ACYP2: variants seen among roughly 807,000 people sequenced by gnomAD.
ACYP2 encodes acylphosphatase 2.
ACYP2 carries 12 observed loss-of-function variants against 11.2 expected under a neutral mutation model. That is an observed-to-expected ratio of 1.08 (90% CI 0.69 to 1.74). The LOEUF (loss-of-function observed/expected upper bound fraction) is 1.74. ACYP2 is among the 40% of genes most tolerant of loss of function. The probability of loss-of-function intolerance (pLI) is 0.00; values close to 1 mark genes in which losing one functional copy is unlikely to be tolerated. For missense variants in ACYP2, 134 were observed against 101.9 expected (o/e 1.31, Z -1.35); for synonymous variants, 43 against 32.2 (o/e 1.33, Z -1.13).
chr2:54,154,697 G>A (rs1682353798), intron 6 of ACYP2, among the ~76,000 whole-genome samples: 1 of 152,036 alleles, frequency 6.6e-6, no homozygotes. Flanking sequence ...GAGGATTTTT[G>A]CATCTATGTT....
chr2:54,021,600 G>A (rs777901357), intron 2 of ACYP2, among the ~76,000 whole-genome samples: 6 of 152,102 alleles, frequency 3.9e-5, no homozygotes, highest in Non-Finnish European at 7.4e-5. Flanking sequence ...TTCTTAAAAG[G>A]CTCTGAAGCG....
intron 4 of ACYP2, among the ~76,000 whole-genome samples, chr2:54,111,676 T>C (rs1356604387): frequency 1.3e-5 from 2 of 152,254 alleles, no homozygotes; most frequent in African/African-American, 2.4e-5. Flanking sequence ...TAATTAAGCA[T>C]TTATTTTACC....
Position 54,233,635 on chromosome 2 carries a change from C to G in ACYP2, c.405-71053C>G, listed in dbSNP as rs1176755717. ...ACATTTTCTTATCCCTCCTGTAATC[C>G]CTGTCTCCAGCCCCTTCCCTCCTAC... On this transcript the variant is annotated intron_variant, in intron 6 of 6. Coordinates refer to ENST00000607452, the MANE Select transcript of ACYP2 (RefSeq NM_001320586.2). Among the ~76,000 whole-genome samples the G allele has an allele frequency of 5.3e-5, 8 of 152,136 alleles. No individual in the cohort carries two copies. The East Asian group carries it at 1.5e-3, about 29-fold the overall frequency.
chr2:54,012,250 A>T (rs1034335081), intron 2 of ACYP2, among the ~76,000 whole-genome samples: 6 of 152,020 alleles, frequency 3.9e-5, no homozygotes, highest in Non-Finnish European at 5.9e-5. Context: ...AAAAAAAAAA[A>T]ATACTCCCAG....
At chr2:54,237,339 A>G (rs1686529987) in intron 6 of ACYP2, among the ~76,000 whole-genome samples, 1 of 52,334 alleles carries the variant, frequency 1.9e-5, no homozygotes, top group Admixed American at 2.6e-4. Flanking sequence ...ATATTTGGTT[A>G]AAAATTTAGG....
At chr2:54,096,830 A>AGAGAGAGGGAGACCGTG (rs1553370466) in intron 4 of ACYP2, among the ~76,000 whole-genome samples, 6 of 151,442 alleles carry the variant, frequency 4.0e-5, no homozygotes, top group Non-Finnish European at 8.8e-5. Flanking sequence ...GTGGAAAGAG[A>AGAGAGAGGGAGACCGTG]GGGAGAGGGA....
intron 6 of ACYP2, among the ~76,000 whole-genome samples, chr2:54,298,462 A>G (rs1689603798): frequency 6.6e-6 from 1 of 152,210 alleles, no homozygotes; most frequent in African/African-American, 2.4e-5. Flanking sequence ...AAAACCCTTA[A>G]AAACACCCAC....
chr2:54,259,455 A>G (rs1409557842), intron 6 of ACYP2, among the ~76,000 whole-genome samples: 1 of 152,230 alleles, frequency 6.6e-6, no homozygotes, highest in Non-Finnish European at 1.5e-5. Flanking sequence ...AAAAACAGCA[A>G]GGAAGACTGA....
chr2:53,999,498 T>G (rs887206176), intron 2 of ACYP2, among the ~76,000 whole-genome samples: 3 of 152,112 alleles, frequency 2.0e-5, no homozygotes, highest in Non-Finnish European at 4.4e-5. Context: ...AAGGGAATTG[T>G]GGGAAGATTG....
chr2:54,265,957 C>T (rs943953295), intron 6 of ACYP2, among the ~76,000 whole-genome samples: 4 of 152,136 alleles, frequency 2.6e-5, no homozygotes, highest in East Asian at 1.9e-4. Context: ...CTTCTTTTCA[C>T]GTGCCCATTG....
At chr2:53,992,295 A>G (rs1025419195) in intron 2 of ACYP2, among the ~76,000 whole-genome samples, 5 of 152,042 alleles carry the variant, frequency 3.3e-5, no homozygotes, top group African/African-American at 9.7e-5. Flanking sequence ...TGAACCAAGC[A>G]CTTAAATTTA....
chr2:54,121,048 C>A (rs73935069), intron 4 of ACYP2, among the ~76,000 whole-genome samples: 1 of 152,128 alleles, frequency 6.6e-6, no homozygotes, highest in African/African-American at 2.4e-5. Flanking sequence ...TATAGCTCGG[C>A]GAGCATGAGC....
intron 4 of ACYP2, among the ~76,000 whole-genome samples, chr2:54,113,316 T>C (rs1679556875): frequency 1.3e-5 from 2 of 151,640 alleles, no homozygotes; most frequent in South Asian, 4.2e-4. Flanking sequence ...CTCGGTTCAC[T>C]GCAACCTCTG....
intron 6 of ACYP2, chr2:54,142,016 T>G: frequency 9.5e-6 from 4 of 421,064 alleles, no homozygotes; most frequent in Admixed American, 4.0e-5. Context: ...TGTGTGTATA[T>G]TTTGTTGTTG....
At chr2:54,267,434 G>C (rs1266965474) in intron 6 of ACYP2, 14 of 1,388,328 alleles carry the variant, frequency 1.0e-5, no homozygotes, top group Non-Finnish European at 1.3e-5. Context: ...AACAGAAGGA[G>C]GGAGAAGGAA....
At chr2:54,281,534 G>C (rs909176345) in intron 6 of ACYP2, among the ~76,000 whole-genome samples, 2 of 152,180 alleles carry the variant, frequency 1.3e-5, no homozygotes, top group Non-Finnish European at 2.9e-5. Flanking sequence ...CATCTCCTTA[G>C]AATTATAGTA....
At position 54,219,905 on chromosome 2, in the gene ACYP2, A is replaced by ATATATTTTT. The variant is rs1288814375; in HGVS notation, c.404+81158_404+81159insATATTTTTT. ...TGTATATATATATATATATATATAT[A>ATATATTTTT]TTTTTTTTTTTTTTTTAGTAGAGAT... is the stretch of plus-strand genomic sequence containing the variant. On this transcript the variant is annotated intron_variant, in intron 6 of 6. Transcript: ENST00000607452. Among the ~76,000 whole-genome samples, 173 of 75,948 alleles carry ATATATTTTT rather than the reference A, an allele frequency of 2.3e-3. 2 individuals are homozygous for ATATATTTTT. Among genetic ancestry groups the ATATATTTTT allele is most frequent in the Non-Finnish European group, 3.6e-3 (147 of 41,172 alleles). 49.8% of individuals were successfully genotyped at this position (75,948 alleles called of 152,430 possible).
chr2:54,121,057 G>A (rs1680127444), intron 4 of ACYP2, among the ~76,000 whole-genome samples: 1 of 152,194 alleles, frequency 6.6e-6, no homozygotes, highest in Non-Finnish European at 1.5e-5. Flanking sequence ...GCGAGCATGA[G>A]CATATGTTAC....
At chr2:54,063,848 G>A (rs913789819) in intron 4 of ACYP2, among the ~76,000 whole-genome samples, 1 of 152,178 alleles carries the variant, frequency 6.6e-6, no homozygotes, top group Non-Finnish European at 1.5e-5. Flanking sequence ...GGTGGGGCTG[G>A]TGGTGGTGAA....
Sources: allele counts gnomAD v4.1 joint callset (sites outside exome capture counted in the v4.1 genomes callset), GRCh38; gene constraint gnomAD v4.1.1; transcripts MANE v1.5; gene names NCBI Gene and HGNC (gene_info 2026-07-23, HGNC 2026-07-21).